PTPRT: variants seen among roughly 807,000 people sequenced by gnomAD.
PTPRT encodes the protein receptor-type tyrosine-protein phosphatase T.
PTPRT carries 56 observed loss-of-function variants against 176.8 expected under a neutral mutation model. That is an observed-to-expected ratio of 0.32 (90% CI 0.26 to 0.40). The LOEUF (loss-of-function observed/expected upper bound fraction) is 0.40, where lower values mean the gene tolerates loss of function less well. PTPRT is among the 10% of genes least tolerant of loss of function. The probability of loss-of-function intolerance (pLI) is 1.00; values close to 1 mark genes in which losing one functional copy is unlikely to be tolerated. For synonymous variants in PTPRT, 783 were observed against 739.0 expected, an observed-to-expected ratio of 1.06 and a Z score of -0.96; for missense variants, 1,540 against 1,908.2, an observed-to-expected ratio of 0.81 and a Z score of 3.60.
At chr20:42,718,468 C>T (rs2076259037) in intron 6 of PTPRT, among the ~76,000 whole-genome samples, 2 of 152,032 alleles carry the variant, frequency 1.3e-5, no homozygotes. Context: ...ACCCAGGGGG[C>T]GGAGCTTGCA....
chr20:42,908,267 A>C (rs1046245632), intron 1 of PTPRT, among the ~76,000 whole-genome samples: 4 of 152,176 alleles, frequency 2.6e-5, no homozygotes, highest in Non-Finnish European at 4.4e-5. Context: ...GAAGATAATA[A>C]TAATAGCCAC....
At chr20:42,329,935 T>C (rs139696987) in intron 11 of PTPRT, among the ~76,000 whole-genome samples, 2 of 152,304 alleles carry the variant, frequency 1.3e-5, no homozygotes, top group African/African-American at 2.4e-5. Flanking sequence ...TTTAATTTAA[T>C]ATGTTACAAA....
chr20:42,904,591 A>G (rs982781032), intron 1 of PTPRT, among the ~76,000 whole-genome samples: 2 of 152,180 alleles, frequency 1.3e-5, no homozygotes, highest in African/African-American at 4.8e-5. Flanking sequence ...GGGGGCAGGG[A>G]AGTGCTGGGA....
In PTPRT at chr20:42,646,251, C is replaced by T. The variant is rs570780122; in HGVS notation, c.1153+31615G>A. Among the ~76,000 whole-genome samples the T allele has an allele frequency of 3.9e-5, 6 of 152,246 alleles. No homozygotes were observed. In the South Asian group the frequency reaches 1.2e-3, roughly 32 times the overall value. Reference sequence around the variant, plus strand: ...GCAAACTGGCATAGGCTATGCAAGGCTGGCCCCTGGCAGAATGTATGTGGA... The same window carrying T: ...GCAAACTGGCATAGGCTATGCAAGGTTGGCCCCTGGCAGAATGTATGTGGA... On this transcript the variant is annotated intron_variant, in intron 7 of 30. Coordinates refer to ENST00000373187, the MANE Select transcript of PTPRT (RefSeq NM_007050.6).
chr20:42,656,841 C>T (rs1239810874), intron 7 of PTPRT, among the ~76,000 whole-genome samples: 1 of 152,172 alleles, frequency 6.6e-6, no homozygotes. Flanking sequence ...CACTCTCTCA[C>T]CCCCTTTTCA....
intron 15 of PTPRT, among the ~76,000 whole-genome samples, chr20:42,225,067 C>A (rs1472604788): frequency 6.6e-6 from 1 of 152,160 alleles, no homozygotes; most frequent in African/African-American, 2.4e-5. Context: ...TTAGTTATCT[C>A]TTTTCTTTCT....
chr20:42,413,276 A>G (rs565932497), intron 9 of PTPRT, among the ~76,000 whole-genome samples: 1 of 152,214 alleles, frequency 6.6e-6, no homozygotes, highest in Non-Finnish European at 1.5e-5. Flanking sequence ...AATATCAAGA[A>G]TATCCCAGTG....
intron 1 of PTPRT, among the ~76,000 whole-genome samples, chr20:42,910,562 T>C (rs1207810343): frequency 1.3e-5 from 2 of 152,192 alleles, no homozygotes; most frequent in Non-Finnish European, 2.9e-5. Flanking sequence ...AATCGACAGC[T>C]GGCTATGGGG....
At chr20:42,272,160 T>C (rs1422403232) in intron 13 of PTPRT, among the ~76,000 whole-genome samples, 2 of 152,076 alleles carry the variant, frequency 1.3e-5, no homozygotes, top group African/African-American at 4.8e-5. Flanking sequence ...GAAAGAGGAG[T>C]AATATTTTGT....
At chr20:42,072,656 T>G (rs1982408215), downstream of PTPRT, 1 of 181,486 alleles carries the variant, frequency 5.5e-6, no homozygotes, top group Non-Finnish European at 1.2e-5. Flanking sequence ...AGGATTAACT[T>G]AAATATAAAG....
chr20:42,679,308 A>C (rs983481389), intron 6 of PTPRT, among the ~76,000 whole-genome samples: 1 of 152,164 alleles, frequency 6.6e-6, no homozygotes, highest in Admixed American at 6.5e-5. Context: ...GAAAAAAAAA[A>C]AAACTGACAA....
intron 6 of PTPRT, among the ~76,000 whole-genome samples, chr20:42,697,800 G>T (rs1181375328): frequency 6.6e-6 from 1 of 152,112 alleles, no homozygotes; most frequent in Non-Finnish European, 1.5e-5. Flanking sequence ...CTATTCAATG[G>T]GGCACATTGA....
intron 1 of PTPRT, among the ~76,000 whole-genome samples, chr20:42,917,845 T>C (rs61297153): frequency 0.056 from 8,498 of 152,236 alleles, 641 homozygotes; most frequent in African/African-American, 0.17. Flanking sequence ...ATTCTCCATC[T>C]CATACAAAAG....
rs796655093 is a variant in PTPRT at position 42,330,496 on chromosome 20, A to C, written c.1866-14500T>G. On this transcript the variant is annotated intron_variant, in intron 11 of 30. Coordinates refer to ENST00000373187, the MANE Select transcript of PTPRT (RefSeq NM_007050.6). The stretch of plus-strand genomic sequence containing the variant: ...ATCTCAAAAAAATAAAATAAATAAA[A>C]AATAATTAAAATATCCACTAGCCAA... Among the ~76,000 whole-genome samples the C allele has an allele frequency of 9.9e-5, 15 of 151,678 alleles. 1 individual carries two copies. The highest frequency in any genetic ancestry group is 3.1e-4 in the African/African-American group (13 of 41,330).
chr20:42,810,021 G>A (rs976138448), intron 2 of PTPRT, among the ~76,000 whole-genome samples: 4 of 152,114 alleles, frequency 2.6e-5, no homozygotes, highest in African/African-American at 9.7e-5. Flanking sequence ...GGCCGGGCGC[G>A]GTGGCTCAGG....
intron 27 of PTPRT, among the ~76,000 whole-genome samples, chr20:42,094,672 C>T (rs1336617280): frequency 6.6e-6 from 1 of 152,156 alleles, no homozygotes; most frequent in Non-Finnish European, 1.5e-5. Context: ...AGCAGATCAC[C>T]TGAGATCAGG....
intron 1 of PTPRT, among the ~76,000 whole-genome samples, chr20:42,996,037 T>G (rs1984203350): frequency 6.6e-6 from 1 of 152,172 alleles, no homozygotes; most frequent in African/African-American, 2.4e-5. Flanking sequence ...CTCACTATGT[T>G]GCCCAGGCTG....
chr20:42,760,967 CAGT>C (rs2076906523), intron 5 of PTPRT, among the ~76,000 whole-genome samples: 1 of 152,060 alleles, frequency 6.6e-6, no homozygotes, highest in African/African-American at 2.4e-5. Flanking sequence ...ATTGTAAAAA[CAGT>C]AGAAAGAGTA....
At chr20:42,330,978 G>A (rs1185850909) in intron 11 of PTPRT, among the ~76,000 whole-genome samples, 2 of 152,166 alleles carry the variant, frequency 1.3e-5, no homozygotes, top group Non-Finnish European at 2.9e-5. Context: ...ATTTTGAAAA[G>A]CAGTAATGTG....
Sources: allele counts gnomAD v4.1 joint callset (sites outside exome capture counted in the v4.1 genomes callset), GRCh38; gene constraint gnomAD v4.1.1; transcripts MANE v1.5; gene names NCBI Gene and HGNC (gene_info 2026-07-23, HGNC 2026-07-21).